The following REPS2 variants were observed in gnomAD, a reference collection of about 807,000 sequenced individuals.
The protein encoded by REPS2 is RALBP1 associated Eps domain containing 2.
A neutral mutation model predicts 53.6 loss-of-function variants in REPS2; 23 were observed. The observed-to-expected ratio is 0.43, with a 90% CI of 0.31 to 0.61. The LOEUF is 0.61. Among genes scored for constraint, REPS2 ranks in the 20% least tolerant of loss-of-function variants. The probability of loss-of-function intolerance (pLI) is 0.11; values close to 1 mark genes in which losing one functional copy is unlikely to be tolerated. For missense variants in REPS2, 446 were observed against 534.9 expected (o/e 0.83, Z 1.64); for synonymous variants, 238 against 218.6 (o/e 1.09, Z -0.78).
chrX:17,065,679 C>T (rs1175681577), intron 9 of REPS2, among the ~76,000 whole-genome samples: 2 of 111,570 alleles, frequency 1.8e-5, no homozygotes, highest in African/African-American at 6.5e-5. Flanking sequence ...CTCTGCCTCC[C>T]GGGTTCAAGC....
At chrX:17,070,749 G>C (rs1227692923) in intron 11 of REPS2, among the ~76,000 whole-genome samples, 4 of 111,915 alleles carry the variant, frequency 3.6e-5, no homozygotes, top group Non-Finnish European at 7.5e-5. Context: ...ATCATCCTAG[G>C]CTTATTTGTT....
intron 8 of REPS2, among the ~76,000 whole-genome samples, chrX:17,058,241 G>T (rs1251077548): frequency 9.0e-6 from 1 of 110,783 alleles, no homozygotes; most frequent in African/African-American, 3.3e-5. Flanking sequence ...GATCACTGGA[G>T]GTCAGGAGTT....
chrX:17,170,153 C>G, the REPS2 span, among the ~76,000 whole-genome samples: 1 of 112,597 alleles, frequency 8.9e-6, no homozygotes, highest in African/African-American at 3.2e-5. Context: ...GGCACCATCA[C>G]AGGAATTTGA....
intron 1 of REPS2, among the ~76,000 whole-genome samples, chrX:16,963,350 A>G (rs2060690404): frequency 8.9e-6 from 1 of 112,268 alleles, no homozygotes; most frequent in Admixed American, 9.4e-5. Flanking sequence ...TCATGGGTTA[A>G]CATATCTTCT....
intron 1 of REPS2, among the ~76,000 whole-genome samples, chrX:16,961,760 T>C (rs1425174803): frequency 2.7e-5 from 3 of 111,831 alleles, no homozygotes; most frequent in Non-Finnish European, 3.8e-5. Context: ...GGAGTTAATA[T>C]CAAAAATATA....
chrX:17,096,162 AC>A (rs1365282081), intron 13 of REPS2, among the ~76,000 whole-genome samples: 4 of 111,562 alleles, frequency 3.6e-5, no homozygotes, highest in Non-Finnish European at 7.5e-5. Flanking sequence ...GGTTGATAGT[AC>A]CCTCAGATTT....
At chrX:17,097,500 A>G (rs1451717744) in intron 13 of REPS2, among the ~76,000 whole-genome samples, 1 of 112,344 alleles carries the variant, frequency 8.9e-6, no homozygotes, top group Non-Finnish European at 1.9e-5. Flanking sequence ...AGAAAATAAA[A>G]GCTACAAATT....
the REPS2 span, among the ~76,000 whole-genome samples, chrX:17,165,152 C>T: frequency 0.15 from 16,996 of 111,400 alleles, 982 homozygotes; most frequent in Admixed American, 0.19. Flanking sequence ...ATGGGAAATT[C>T]TTCAGCTTCT....
intron 15 of REPS2, 95 bp from the exon 16 acceptor site, chrX:17,135,166 G>T: frequency 1.1e-6 from 1 of 931,177 alleles, no homozygotes; most frequent in Admixed American, 2.8e-5. Context: ...TGATCTTGGG[G>T]TTGGGGCTAA....
At chrX:17,062,348 A>C (rs1174490482) in intron 8 of REPS2, 90 bp from the exon 9 acceptor site, 1 of 651,116 alleles carries the variant, frequency 1.5e-6, no homozygotes, top group Non-Finnish European at 2.4e-6. Flanking sequence ...TTTTGTTGTT[A>C]TATTTAACAA....
At chrX:17,076,975 C>A (rs1489893968) in intron 12 of REPS2, among the ~76,000 whole-genome samples, 1 of 111,866 alleles carries the variant, frequency 8.9e-6, no homozygotes, top group Non-Finnish European at 1.9e-5. Flanking sequence ...CCATATTATT[C>A]TTATTAACAA....
chrX:17,094,711 A>T (rs1483276828), intron 13 of REPS2, among the ~76,000 whole-genome samples: 2 of 111,756 alleles, frequency 1.8e-5, no homozygotes, highest in Non-Finnish European at 3.8e-5. Context: ...TGTAAATAGC[A>T]TCCCATTATT....
intron 13 of REPS2, among the ~76,000 whole-genome samples, chrX:17,082,254 CT>C: frequency 8.9e-6 from 1 of 112,149 alleles, no homozygotes; most frequent in African/African-American, 3.2e-5. Context: ...ATAGCCATTC[CT>C]TTAAAGTTTC....
chrX:17,097,362 A>G (rs1178123735), intron 13 of REPS2, among the ~76,000 whole-genome samples: 1 of 112,463 alleles, frequency 8.9e-6, no homozygotes, highest in Non-Finnish European at 1.9e-5. Context: ...TACTTTAGAC[A>G]TCATAAAATA....
chrX:16,954,402 C>G (rs184952492), intron 1 of REPS2, among the ~76,000 whole-genome samples: 1 of 112,202 alleles, frequency 8.9e-6, no homozygotes, highest in Non-Finnish European at 1.9e-5. Context: ...TATCTTTGTT[C>G]CCTCTCACCT....
intron 5 of REPS2, among the ~76,000 whole-genome samples, chrX:17,046,324 C>T (rs111588880): frequency 0.025 from 2,761 of 109,296 alleles, 95 homozygotes; most frequent in African/African-American, 0.088. Context: ...ATTACAGGCA[C>T]GCACCACCAT....
the REPS2 span, among the ~76,000 whole-genome samples, chrX:17,159,742 C>T: frequency 8.1e-5 from 9 of 111,312 alleles, no homozygotes; most frequent in Non-Finnish European, 1.5e-4. Flanking sequence ...CCTGTGAGGC[C>T]GTGGCATTGT....
chrX:17,065,133 G>A (rs1309540992), intron 9 of REPS2, among the ~76,000 whole-genome samples: 1 of 111,888 alleles, frequency 8.9e-6, no homozygotes, highest in African/African-American at 3.2e-5. Flanking sequence ...CGGTTCTCTC[G>A]AGTGTATACC....
chrX:17,140,407 C>G (rs1468623632), intron 17 of REPS2, among the ~76,000 whole-genome samples: 1 of 110,892 alleles, frequency 9.0e-6, no homozygotes, highest in Non-Finnish European at 1.9e-5. Context: ...CCTGACTTAA[C>G]TTTTATACCC....
Sources: allele counts gnomAD v4.1 joint callset (sites outside exome capture counted in the v4.1 genomes callset), GRCh38; gene constraint gnomAD v4.1.1; transcripts MANE v1.5; gene names NCBI Gene and HGNC (gene_info 2026-07-23, HGNC 2026-07-21).